NUCB2: variants seen among roughly 807,000 people sequenced by gnomAD.
NUCB2 encodes the protein nucleobindin-2.
In NUCB2, 48 loss-of-function variants were observed where a neutral mutation model predicts 57.9. That is an observed-to-expected ratio of 0.83 (90% CI 0.66 to 1.05). The LOEUF (loss-of-function observed/expected upper bound fraction) is 1.05. Among genes scored for constraint, NUCB2 ranks in the 50% least tolerant of loss-of-function variants. The pLI is 0.00. For missense variants in NUCB2, 442 were observed against 476.2 expected, an observed-to-expected ratio of 0.93 and a Z score of 0.67; for synonymous variants, 139 against 152.1, an observed-to-expected ratio of 0.91 and a Z score of 0.64.
chr11:17,316,702 A>G (rs933815700), intron 11 of NUCB2, among the ~76,000 whole-genome samples: 7 of 152,244 alleles, frequency 4.6e-5, no homozygotes, highest in African/African-American at 1.7e-4. Flanking sequence ...GAATGCATAG[A>G]CAACTTGAAA....
At chr11:17,311,957 G>T (rs760859590) in intron 9 of NUCB2, 27 bp downstream of exon 9, 7 of 1,545,090 alleles carry the variant, frequency 4.5e-6, no homozygotes, top group Admixed American at 1.9e-5. Flanking sequence ...AGTATTCAGT[G>T]TTCTTGTTCT....
intron 1 of NUCB2, among the ~76,000 whole-genome samples, chr11:17,281,502 G>A (rs189347173): frequency 6.6e-6 from 1 of 152,286 alleles, no homozygotes; most frequent in Admixed American, 6.5e-5. Flanking sequence ...TTCAAGACAA[G>A]AAGGGCATTA....
chr11:17,303,032 C>T (rs1947019176), intron 5 of NUCB2, among the ~76,000 whole-genome samples: 1 of 152,096 alleles, frequency 6.6e-6, no homozygotes, highest in Non-Finnish European at 1.5e-5. Flanking sequence ...GCCACCGCAC[C>T]CGGCCTAGTT....
chr11:17,345,251 T>G (rs1056281873), intron 2 of NUCB2, among the ~76,000 whole-genome samples: 8 of 152,158 alleles, frequency 5.3e-5, no homozygotes, highest in African/African-American at 1.9e-4. Context: ...AAACCAGTGC[T>G]GTGTAATCCA....
At chr11:17,287,384 T>C (rs369321180) in intron 2 of NUCB2, among the ~76,000 whole-genome samples, 1 of 151,844 alleles carries the variant, frequency 6.6e-6, no homozygotes. Context: ...CAAGATATGG[T>C]ATTAAGGCCG....
intron 11 of NUCB2, among the ~76,000 whole-genome samples, chr11:17,323,868 A>C (rs973652173): frequency 3.9e-5 from 6 of 152,184 alleles, no homozygotes; most frequent in Non-Finnish European, 7.3e-5. Flanking sequence ...ATAGTTGCTC[A>C]TAGTAGCCAT....
rs1565494593 is a variant in NUCB2, at chr11:17,348,318, T to TG, written n.2627-1026dup. Among the ~76,000 whole-genome samples, 231 of 82,440 alleles carry TG rather than the reference T, an allele frequency of 2.8e-3. 30 individuals are homozygous for TG. The highest frequency in any genetic ancestry group is 0.012 in the African/African-American group (222 of 17,968). 54.1% of individuals were successfully genotyped at this position (82,440 alleles called of 152,430 possible). A position where few individuals can be genotyped will look rare whatever the true frequency, so the allele number is the denominator to read the frequency against. On this transcript the variant is annotated intron_variant and non_coding_transcript_variant, in intron 2 of 2. Transcript: ENST00000532240. The stretch of plus-strand genomic sequence containing the variant: ...ATGAGGTGTTTTTTGTTTGTTTTTG[T>TG]GTTTTTTTTTTTTTTTTTTTTTTTT...
At chr11:17,285,107 G>A (rs531997709) in intron 2 of NUCB2, among the ~76,000 whole-genome samples, 1 of 152,326 alleles carries the variant, frequency 6.6e-6, no homozygotes, top group African/African-American at 2.4e-5. Context: ...AGGGGCAAAA[G>A]AAGAGGGTTG....
At chr11:17,291,375 T>C (rs1188825154) in intron 2 of NUCB2, 10 of 176,650 alleles carry the variant, frequency 5.7e-5, no homozygotes, top group Non-Finnish European at 1.3e-4. Context: ...GGTAAAATCC[T>C]GTCTCTACTA....
chr11:17,318,321 G>C (rs1949559844), intron 11 of NUCB2, among the ~76,000 whole-genome samples: 1 of 142,844 alleles, frequency 7.0e-6, no homozygotes, highest in Non-Finnish European at 1.6e-5. Flanking sequence ...CCAGACAGAA[G>C]TCAGCTTTAA....
chr11:17,319,274 T>C (rs1462273682), intron 11 of NUCB2, among the ~76,000 whole-genome samples: 2 of 152,222 alleles, frequency 1.3e-5, no homozygotes, highest in Admixed American at 1.3e-4. Context: ...ATTTCCATAC[T>C]CAAATTGTCC....
intron 11 of NUCB2, among the ~76,000 whole-genome samples, chr11:17,317,424 T>C (rs977291054): frequency 1.3e-5 from 2 of 152,212 alleles, no homozygotes; most frequent in Admixed American, 1.3e-4. Flanking sequence ...AAACAAAGAT[T>C]TACCTTATGT....
At chr11:17,298,751 TAC>T (rs1946244504) in intron 4 of NUCB2, among the ~76,000 whole-genome samples, 1 of 151,374 alleles carries the variant, frequency 6.6e-6, no homozygotes, top group Admixed American at 6.6e-5. Context: ...CAGGCTGGAG[TAC>T]AGTGATGCAA....
Position 17,330,339 on chromosome 11 carries a change from G to C in NUCB2, c.1173+42G>C. 6.7e-7 allele frequency: 1 copy of C among 1,494,560 alleles called. No individual in the cohort carries two copies. The highest frequency in any genetic ancestry group is 9.1e-7 in the Non-Finnish European group (1 of 1,095,194). The allele number at this position is 1,494,560 out of a possible 1,614,324, so 92.6% of individuals were successfully genotyped here. A position where few individuals can be genotyped will look rare whatever the true frequency, so the allele number is the denominator to read the frequency against. On this transcript the variant is annotated intron_variant, in intron 12 of 13. Coordinates refer to ENST00000529010, the MANE Select transcript of NUCB2 (RefSeq NM_005013.4). The surrounding 1 kb of genome is among the most constrained non-coding windows in gnomAD (Gnocchi z 4.3). ...AGATTATGGCATTAAAAAGATTTTA[G>C]GTGCTTTGTTAAAAGCCTGTGTTTT...
At chr11:17,282,258 A>T (rs10589497) in intron 1 of NUCB2, among the ~76,000 whole-genome samples, 4,083 of 103,212 alleles carry the variant, frequency 0.04, 188 homozygotes, top group African/African-American at 0.12. Context: ...ATATATATAT[A>T]TTTTTTTTTT....
At chr11:17,317,924 T>C (rs1284740869) in intron 11 of NUCB2, among the ~76,000 whole-genome samples, 2 of 150,884 alleles carry the variant, frequency 1.3e-5, no homozygotes, top group East Asian at 3.9e-4. Flanking sequence ...GGAATCCTCC[T>C]GCCTCAGCCT....
Position 17,331,644 on chromosome 11 carries a change from C to T in NUCB2, c.*225C>T, listed in dbSNP as rs921855484. The T allele has an allele frequency of 2.1e-5, 8 of 384,756 alleles. No homozygotes were observed. Among genetic ancestry groups the T allele is most frequent in the African/African-American group, 1.7e-4 (8 of 48,124 alleles). The allele number at this position is 384,756 out of a possible 1,614,324, so 23.8% of individuals were successfully genotyped here. The stretch of plus-strand genomic sequence containing the variant: ...AAACTCACTGTCTGCTCTCTGCTCT[C>T]ACATTCACACGGCTCTTTTATTTAT... On this transcript the variant is annotated 3_prime_UTR_variant, in exon 14 of 14. Transcript: ENST00000529010.
chr11:17,296,573 C>T (rs1354973935), intron 4 of NUCB2, among the ~76,000 whole-genome samples: 1 of 152,004 alleles, frequency 6.6e-6, no homozygotes, highest in Admixed American at 6.6e-5. Context: ...TAATATGAAG[C>T]AGTGGGGCGA....
rs534393316 is a variant in NUCB2 at position 17,321,097 on chromosome 11, A to G, written c.1002+5622A>G. Among the ~76,000 whole-genome samples, 197 of 152,320 alleles carry G rather than the reference A, an allele frequency of 1.3e-3. 1 individual carries two copies. Among genetic ancestry groups the G allele is most frequent in the African/African-American group, 4.6e-3 (190 of 41,576 alleles). ...CTCAACTGTTTATCCTTTGTGTTAC[A>G]AACAATCCAATTATACTCTTTTAGT... On this transcript the variant is annotated intron_variant, in intron 11 of 13. Coordinates refer to ENST00000529010, the MANE Select transcript of NUCB2 (RefSeq NM_005013.4).
Sources: gnomAD v4.1 joint callset for allele counts (sites outside exome capture counted in the v4.1 genomes callset) on GRCh38, gnomAD v4.1.1 for gene constraint, Gnocchi (gnomAD v3.1) non-coding constraint, MANE v1.5 for transcripts, NCBI Gene and HGNC (gene_info 2026-07-23, HGNC 2026-07-21) for gene names.